WDR62: variants seen among roughly 807,000 people sequenced by gnomAD.
WDR62 encodes the protein WD repeat-containing protein 62.
In WDR62, 112 loss-of-function variants were observed where a neutral mutation model predicts 160.6. The ratio of observed to expected loss-of-function variants is 0.70; its 90% CI spans 0.60 to 0.82. The LOEUF (loss-of-function observed/expected upper bound fraction) is 0.82, where lower values mean the gene tolerates loss of function less well. WDR62 is among the 40% of genes least tolerant of loss of function. WDR62 has a pLI of 0.00. For missense variants in WDR62, 1,819 were observed against 1,983.8 expected (o/e 0.92, Z 1.58); for synonymous variants, 792 against 815.1 (o/e 0.97, Z 0.48).
At position 36,091,390 on chromosome 19, in the gene WDR62, C is replaced by T; in HGVS notation, c.2147-12C>T. On this transcript the variant is annotated splice_polypyrimidine_tract_variant and intron_variant, in intron 17 of 31. Coordinates refer to ENST00000401500, the MANE Select transcript of WDR62 (RefSeq NM_001083961.2). The stretch of plus-strand genomic sequence containing the variant: ...TCCGAAGGCAAGTGCAGCCTCTCTG[C>T]TTTGTTTGCAGAAATTATTACCAGC... 4 of 1,550,042 alleles carry T rather than the reference C, an allele frequency of 2.6e-6. No individual in the cohort carries two copies. Among genetic ancestry groups the T allele is most frequent in the Non-Finnish European group, 2.6e-6 (3 of 1,136,808 alleles).
At chr19:36,101,435 C>T in intron 24 of WDR62, 118 bp downstream of exon 24, 1 of 986,524 alleles carries the variant, frequency 1.0e-6, no homozygotes, top group South Asian at 1.4e-5. Context: ...GAGGAAGACA[C>T]ATGTGGTCCC....
chr19:36,091,443 T>C lies in WDR62; in HGVS notation c.2188T>C (p.Leu730=). 1 of 1,590,392 alleles carries C rather than the reference T, an allele frequency of 6.3e-7. No homozygotes were observed. The highest frequency in any genetic ancestry group is 8.6e-7 in the Non-Finnish European group (1 of 1,165,074). The change falls in exon 18 of 32, where the codon TTG becomes CTG. Residue 730 remains leucine (L), a synonymous_variant. Transcript: ENST00000401500. ...SMKFTYDCHH[L]ITVSGDSCVF... is the part of the protein sequence containing the mutation. ...GAAGTTCACCTATGACTGTCATCAC[T>C]TGATCACAGTATCTGGAGACAGGTG...
In WDR62 at chr19:36,081,660, C is replaced by T. The variant is rs1971907514; in HGVS notation, c.1371+90C>T. 33 of 1,583,234 alleles carry T rather than the reference C, an allele frequency of 2.1e-5. 1 individual carries two copies. In the South Asian group the frequency reaches 3.7e-4, roughly 18 times the overall value. On this transcript the variant is annotated intron_variant, in intron 10 of 31. Coordinates refer to ENST00000401500, the MANE Select transcript of WDR62 (RefSeq NM_001083961.2). ...AGGGGCAGGAGAGAGTCTGATGGAC[C>T]CTAGATGTTAGGTTCCATGAGGGCA...
At position 36,055,113 on chromosome 19, in the gene WDR62, C is replaced by T. The variant is rs62109744; in HGVS notation, c.142C>T (p.Leu48Phe). 0.013 allele frequency: 20,840 copies of T among 1,607,278 alleles called. 153 individuals carry two copies. The highest frequency in any genetic ancestry group is 0.016 in the Non-Finnish European group (19,319 of 1,177,892). The change falls in exon 1 of 32, where the codon CTC (leucine) becomes TTC (phenylalanine). Residue 48 changes from leucine (L) to phenylalanine (F), a missense_variant. Around this residue, in one of 3 missense-constraint regions of WDR62, gnomAD observed 115 missense variants for 92.4 expected, o/e 1.24. Coordinates refer to ENST00000401500, the MANE Select transcript of WDR62 (RefSeq NM_001083961.2). ...AATCTGCCTACGGCGGCGGACGCGA[C>T]TCTCGACGGCCTCCGAGGAGACGGT... ...PPICLRRRTR[L>F]STASEETVQN...
At chr19:36,101,513 T>C (rs1306641795) in intron 24 of WDR62, 151 bp from the exon 25 acceptor site, 5 of 787,296 alleles carry the variant, frequency 6.4e-6, no homozygotes, top group Non-Finnish European at 8.6e-6. Flanking sequence ...ACCTCCTTGA[T>C]GTGGAACTTC....
chr19:36,060,122 G>A, intron 3 of WDR62, 92 bp downstream of exon 3: 1 of 1,304,710 alleles, frequency 7.7e-7, no homozygotes, highest in Non-Finnish European at 1.1e-6. Context: ...TCATGGGTAG[G>A]TGCTCACTCA....
chr19:36,107,246 G>A (rs1407152093), downstream of WDR62, among the ~76,000 whole-genome samples: 2 of 152,050 alleles, frequency 1.3e-5, no homozygotes, highest in Non-Finnish European at 2.9e-5. Flanking sequence ...GTTGCAACAC[G>A]GCTGCTGTGG....
At chr19:36,069,052 C>T (rs1275061417) in intron 7 of WDR62, among the ~76,000 whole-genome samples, 18 of 151,376 alleles carry the variant, frequency 1.2e-4, no homozygotes, top group African/African-American at 3.2e-4. Context: ...CCCTCCTGGA[C>T]GGGGCGGCTG....
Position 36,091,330 on chromosome 19 carries a change from T to C in WDR62, c.2146+19T>C, listed in dbSNP as rs376696134. ...CATTCAGGTGGGTGTGCCTCTCTGC[T>C]TGGGATGCCTCCCCACCCGCCCACA... is the stretch of plus-strand genomic sequence containing the variant. On this transcript the variant is annotated intron_variant, in intron 17 of 31. Transcript: ENST00000401500. 24 of 1,613,234 alleles carry C rather than the reference T, an allele frequency of 1.5e-5. No homozygotes were observed. The highest frequency in any genetic ancestry group is 2.7e-5 in the African/African-American group (2 of 74,924).
intron 7 of WDR62, 86 bp from the exon 8 acceptor site, chr19:36,071,470 G>T: frequency 6.6e-7 from 1 of 1,507,290 alleles, no homozygotes; most frequent in Non-Finnish European, 9.2e-7. Context: ...TTCTCTGGAG[G>T]CCTAAGGCTG....
In WDR62 at chr19:36,103,788, C is replaced by T. The variant is rs776375591; in HGVS notation, c.3960C>T (p.Thr1320=). The change falls in exon 30 of 32, where the codon ACC becomes ACT. Residue 1320 remains threonine (T), a synonymous_variant. Transcript: ENST00000401500. Reference sequence around the variant, plus strand: ...CCGTGGATACCCAGCCTGGCGTCACCGTCCCTGCAGTGAGCTTCCCAGCCC... The same window carrying T: ...CCGTGGATACCCAGCCTGGCGTCACTGTCCCTGCAGTGAGCTTCCCAGCCC... ...QPPVDTQPGV[T]VPAVSFPAPS... The T allele has an allele frequency of 1.4e-5, 23 of 1,609,734 alleles. No homozygotes were observed. In the East Asian group the frequency reaches 1.8e-4, roughly 12 times the overall value.
At chr19:36,107,441 G>T (rs1300536483), downstream of WDR62, among the ~76,000 whole-genome samples, 1 of 152,112 alleles carries the variant, frequency 6.6e-6, no homozygotes, top group East Asian at 1.9e-4. Flanking sequence ...GACAGCAGGA[G>T]AGGAAGAGGC....
Position 36,066,269 on chromosome 19 carries a change from C to A in WDR62, c.403C>A (p.Pro135Thr), listed in dbSNP as rs758010474. The A allele has an allele frequency of 3.1e-6, 5 of 1,614,198 alleles. No individual in the cohort carries two copies. In the South Asian group the frequency reaches 5.5e-5, roughly 18 times the overall value. Residue 135 changes from proline to threonine, a missense_variant, in exon 5 of 32, where the codon CCT becomes ACT. Pro to Thr is a conservative substitution (Grantham distance 38). Coordinates refer to ENST00000401500, the MANE Select transcript of WDR62 (RefSeq NM_001083961.2). ...YIVTGENGHR[P>T]AVRIWDVEEK... ...CCACCTTCCCTAGAATGGGCATAGG[C>A]CTGCTGTGCGCATCTGGGATGTGGA...
At chr19:36,081,779 C>CT (rs1374210457) in intron 10 of WDR62, 5 of 710,520 alleles carry the variant, frequency 7.0e-6, no homozygotes, top group Non-Finnish European at 1.3e-5. Flanking sequence ...TCTATCCTCT[C>CT]TGATTCTTTG....
At chr19:36,081,834 G>A (rs180977435) in intron 10 of WDR62, 14 of 602,168 alleles carry the variant, frequency 2.3e-5, no homozygotes, top group East Asian at 7.2e-5. Context: ...GGCCACTCCC[G>A]GCAGCCCAAC....
chr19:36,086,998 C>A (rs1281968302), intron 13 of WDR62, among the ~76,000 whole-genome samples, 186 bp downstream of exon 13: 1 of 152,106 alleles, frequency 6.6e-6, no homozygotes, highest in Non-Finnish European at 1.5e-5. Context: ...CTTTGGGAGG[C>A]CAAGGAGGGT....
chr19:36,089,355 G>A, intron 15 of WDR62, 49 bp downstream of exon 15: 1 of 1,614,060 alleles, frequency 6.2e-7, no homozygotes. Flanking sequence ...CCTTGTCCTA[G>A]GCTGTCTGCT....
chr19:36,059,383 C>T (rs1406088387), intron 2 of WDR62, among the ~76,000 whole-genome samples: 15 of 152,166 alleles, frequency 9.9e-5, no homozygotes, highest in Admixed American at 9.8e-4. Flanking sequence ...ATAGTCGTGA[C>T]CTGACCTGGC....
Position 36,103,651 on chromosome 19 carries a change from A to G in WDR62, c.3823A>G (p.Ser1275Gly). Residue 1275 changes from serine to glycine, a missense_variant, in exon 30 of 32, where the codon AGT becomes GGT. Ser to Gly is a moderately conservative substitution (Grantham distance 56). Transcript: ENST00000401500. ...LQAITTATTP[S>G]LDSEGQEPAL... ...GGCCATCACCACCGCGACAACACCC[A>G]GTTTGGACAGTGAGGGCCAAGAGCC... is the stretch of plus-strand genomic sequence containing the variant. The G allele has an allele frequency of 6.2e-7, 1 of 1,610,160 alleles. No homozygotes were observed. Among genetic ancestry groups the G allele is most frequent in the African/African-American group, 1.3e-5 (1 of 74,966 alleles).
Sources: allele counts gnomAD v4.1 joint callset (sites outside exome capture counted in the v4.1 genomes callset), GRCh38; gene constraint gnomAD v4.1.1; regional missense constraint gnomAD v4.1.1; transcripts MANE v1.5; gene names NCBI Gene and HGNC (gene_info 2026-07-23, HGNC 2026-07-21).